The following DOCK9 variants were observed in gnomAD, a reference collection of about 807,000 sequenced individuals.
DOCK9 encodes dedicator of cytokinesis 9, also known as dedicator of cytokinesis protein 9.
A neutral mutation model predicts 263.3 loss-of-function variants in DOCK9; 89 were observed. The observed-to-expected ratio is 0.34, with a 90% CI of 0.28 to 0.40. The LOEUF (loss-of-function observed/expected upper bound fraction) is 0.40, where lower values mean the gene tolerates loss of function less well. DOCK9 is among the 10% of genes least tolerant of loss of function. The probability of loss-of-function intolerance (pLI) is 1.00; values close to 1 mark genes in which losing one functional copy is unlikely to be tolerated. For synonymous variants in DOCK9, 976 were observed against 973.1 expected (o/e 1.00, Z -0.06); for missense variants, 2,140 against 2,603.4 (o/e 0.82, Z 3.87).
At chr13:99,069,722 C>T (rs938382931) in intron 1 of DOCK9, among the ~76,000 whole-genome samples, 3 of 152,206 alleles carry the variant, frequency 2.0e-5, no homozygotes, top group Non-Finnish European at 2.9e-5. Flanking sequence ...TTTCATGTCA[C>T]GCATTTCTAT....
intron 1 of DOCK9, among the ~76,000 whole-genome samples, chr13:98,961,521 T>G (rs1417701109): frequency 2.0e-5 from 3 of 152,182 alleles, no homozygotes; most frequent in Non-Finnish European, 4.4e-5. Flanking sequence ...ATATAGCACT[T>G]CGCATGTAAC....
intron 50 of DOCK9, among the ~76,000 whole-genome samples, chr13:98,799,677 A>G (rs2089870862): frequency 6.6e-6 from 1 of 152,212 alleles, no homozygotes; most frequent in Admixed American, 6.5e-5. Context: ...TGACCCTTAC[A>G]CTATAACATA....
At chr13:98,997,055 G>C (rs1388897811) in intron 1 of DOCK9, among the ~76,000 whole-genome samples, 4 of 152,190 alleles carry the variant, frequency 2.6e-5, no homozygotes, top group Non-Finnish European at 5.9e-5. Context: ...GAGATGTGCT[G>C]ACTATCCAGG....
At position 98,810,151 on chromosome 13, in the gene DOCK9, A is replaced by C. The variant is rs781725929; in HGVS notation, c.5253+18T>G. On this transcript the variant is annotated intron_variant, in intron 46 of 52. Transcript: ENST00000682017. Reference sequence around the variant, plus strand: ...TCATGCTCTCAAATAGGAAAAAAACAAAAAGGCACTCTCATACCTCAAAAT... The same window carrying C: ...TCATGCTCTCAAATAGGAAAAAAACCAAAAGGCACTCTCATACCTCAAAAT... 6.8e-6 allele frequency: 11 copies of C among 1,613,728 alleles called. No individual in the cohort carries two copies. The highest frequency in any genetic ancestry group is 8.5e-6 in the Non-Finnish European group (10 of 1,179,786).
chr13:98,971,660 A>G (rs2059746785), intron 1 of DOCK9, among the ~76,000 whole-genome samples: 2 of 152,182 alleles, frequency 1.3e-5, no homozygotes, highest in African/African-American at 4.8e-5. Flanking sequence ...GTGAACCGAG[A>G]TCGCACCACT....
At chr13:98,863,165 C>T (rs772620081) in intron 31 of DOCK9, 33 bp from the exon 32 acceptor site, 20 of 1,572,630 alleles carry the variant, frequency 1.3e-5, no homozygotes, top group Non-Finnish European at 1.6e-5. Flanking sequence ...AAGTTTGACC[C>T]AGGATTCTGA....
intron 1 of DOCK9, among the ~76,000 whole-genome samples, chr13:99,049,777 T>C (rs1368118512): frequency 2.0e-5 from 3 of 152,164 alleles, no homozygotes; most frequent in Non-Finnish European, 4.4e-5. Context: ...CTCAGTCTCC[T>C]AAAGTGTTGG....
At chr13:99,001,067 TC>T (rs1363457318) in intron 1 of DOCK9, among the ~76,000 whole-genome samples, 2 of 152,182 alleles carry the variant, frequency 1.3e-5, no homozygotes, top group African/African-American at 4.8e-5. Flanking sequence ...AGCACTTACC[TC>T]TCAGCAAGGA....
intron 1 of DOCK9, among the ~76,000 whole-genome samples, chr13:99,051,113 G>C (rs2040673554): frequency 6.6e-6 from 1 of 152,136 alleles, no homozygotes; most frequent in Admixed American, 6.5e-5. Flanking sequence ...TGTGTTCTGT[G>C]CAACTTCCAG....
In DOCK9 at chr13:98,936,649, A is replaced by AG. The variant is rs1293143681; in HGVS notation, c.244-6393_244-6392insC. On this transcript the variant is annotated intron_variant, in intron 2 of 52. Coordinates refer to ENST00000682017, the MANE Select transcript of DOCK9 (RefSeq NM_001366683.2). ...AAAAAAAAAAAAAAGAAAGAAAGAA[A>AG]AGAATGAATAAAGCAGTCAATGGAG... is the stretch of plus-strand genomic sequence containing the variant. Among the ~76,000 whole-genome samples, 7 of 151,514 alleles carry AG rather than the reference A, an allele frequency of 4.6e-5. No individual in the cohort carries two copies. In the East Asian group the frequency reaches 1.2e-3, roughly 25 times the overall value.
intron 7 of DOCK9, among the ~76,000 whole-genome samples, chr13:98,919,659 G>A (rs2051561595): frequency 6.6e-6 from 1 of 152,156 alleles, no homozygotes; most frequent in African/African-American, 2.4e-5. Flanking sequence ...CAACCACAGA[G>A]CCTTCTGTGT....
At chr13:98,809,043 C>T (rs2091022240) in intron 47 of DOCK9, 2 of 1,493,946 alleles carry the variant, frequency 1.3e-6, no homozygotes, top group South Asian at 1.4e-5. Context: ...GATAAACATA[C>T]AGACTTGAAA....
At chr13:98,814,703 G>T (rs1566575479) in intron 45 of DOCK9, among the ~76,000 whole-genome samples, 1 of 152,090 alleles carries the variant, frequency 6.6e-6, no homozygotes, top group Non-Finnish European at 1.5e-5. Context: ...CTTTGGGAAG[G>T]CATGGTGGGT....
chr13:99,041,653 A>G (rs530678703), intron 1 of DOCK9, among the ~76,000 whole-genome samples: 4 of 152,306 alleles, frequency 2.6e-5, no homozygotes, highest in Non-Finnish European at 5.9e-5. Context: ...CCAAAAAGGT[A>G]TGTCCACATC....
chr13:98,889,139 C>T (rs1291509879), intron 15 of DOCK9, among the ~76,000 whole-genome samples: 1 of 152,174 alleles, frequency 6.6e-6, no homozygotes, highest in African/African-American at 2.4e-5. Flanking sequence ...TCCAGCCTCA[C>T]CATAAATATT....
intron 21 of DOCK9, 84 bp downstream of exon 21, chr13:98,884,887 C>T (rs966083679): frequency 4.8e-6 from 7 of 1,451,838 alleles, no homozygotes; most frequent in African/African-American, 1.4e-5. Context: ...ATACTGTTTG[C>T]TTTTTGTGTG....
intron 35 of DOCK9, 118 bp from the exon 36 acceptor site, chr13:98,850,231 G>T: frequency 5.9e-6 from 4 of 672,814 alleles, no homozygotes; most frequent in Non-Finnish European, 9.7e-6. Flanking sequence ...TGGAGTGTAG[G>T]CCTCTAAACC....
chr13:98,807,919 T>A (rs772306), intron 47 of DOCK9, 112 bp from the exon 48 acceptor site: 102,148 of 861,040 alleles, frequency 0.12, 7,253 homozygotes, highest in South Asian at 0.25. Context: ...CTAAAAATCC[T>A]GCTGAAATGG....
intron 27 of DOCK9, among the ~76,000 whole-genome samples, chr13:98,878,035 C>G (rs1248442604): frequency 6.6e-6 from 1 of 152,136 alleles, no homozygotes; most frequent in East Asian, 1.9e-4. Flanking sequence ...TTTAAAAGAG[C>G]TGATGAAGGT....
Sources: gnomAD v4.1 joint callset for allele counts (sites outside exome capture counted in the v4.1 genomes callset) on GRCh38, gnomAD v4.1.1 for gene constraint, MANE v1.5 for transcripts, NCBI Gene and HGNC (gene_info 2026-07-23, HGNC 2026-07-21) for gene names.